FAM228B: variants seen among roughly 807,000 people sequenced by gnomAD.
FAM228B encodes protein FAM228B.
In FAM228B, 38 loss-of-function variants were observed where a neutral mutation model predicts 42.6. The ratio of observed to expected loss-of-function variants is 0.89; its 90% CI spans 0.69 to 1.17. The LOEUF (loss-of-function observed/expected upper bound fraction) is 1.17. FAM228B is among the 50% of genes most tolerant of loss of function. FAM228B has a pLI of 0.00. For missense variants in FAM228B, 344 were observed against 367.3 expected (o/e 0.94, Z 0.52); for synonymous variants, 109 against 122.3 (o/e 0.89, Z 0.72).
chr2:24,123,772 C>T (rs987609520), intron 1 of FAM228B, among the ~76,000 whole-genome samples: 1 of 151,832 alleles, frequency 6.6e-6, no homozygotes, highest in East Asian at 1.9e-4. Flanking sequence ...GCGTGGAGGC[C>T]GCAGGCGCCC....
intron 7 of FAM228B, among the ~76,000 whole-genome samples, chr2:24,153,124 A>G (rs1667059518): frequency 1.3e-5 from 2 of 152,184 alleles, no homozygotes; most frequent in Non-Finnish European, 2.9e-5. Flanking sequence ...AGGTCCAGAA[A>G]TGCGGTCCAA....
At chr2:24,142,809 C>T (rs1182222696) in intron 5 of FAM228B, 1 of 152,176 alleles carries the variant, frequency 6.6e-6, no homozygotes, top group East Asian at 1.9e-4. Context: ...AGAAGTGTGA[C>T]AGTAGCCCAA....
intron 5 of FAM228B, among the ~76,000 whole-genome samples, chr2:24,143,813 A>G (rs561854456): frequency 6.6e-6 from 1 of 152,296 alleles, no homozygotes; most frequent in Non-Finnish European, 1.5e-5. Context: ...TCTAAGCCAT[A>G]TACACAAAAG....
intron 3 of FAM228B, chr2:24,096,379 C>T (rs918443925): frequency 5.3e-5 from 8 of 152,040 alleles, no homozygotes; most frequent in African/African-American, 1.9e-4. Flanking sequence ...GAAGTAAAAC[C>T]CTTGAAAAAA....
intron 3 of FAM228B, among the ~76,000 whole-genome samples, chr2:24,098,827 A>G (rs949299254): frequency 6.6e-6 from 1 of 152,172 alleles, no homozygotes; most frequent in Non-Finnish European, 1.5e-5. Context: ...GAGACACAAC[A>G]AAAAAAGAGA....
rs747425240 is a variant in FAM228B at position 24,169,288 on chromosome 2, C to T, written c.*15-68C>T. ...ATCAGCTCAGCTTAGCTGGGGAACG[C>T]TTTCTGCTCTCGTAAGCCCCTCATC... On this transcript the variant is annotated intron_variant, in intron 10 of 10. Transcript: ENST00000615575. This position sits in a 1 kb window ranked among gnomAD's most constrained non-coding sequence, Gnocchi z 4.2. The T allele has an allele frequency of 1.2e-5, 5 of 431,394 alleles. No homozygotes were observed. The highest frequency in any genetic ancestry group is 2.5e-5 in the Non-Finnish European group (5 of 196,644). The allele number at this position is 431,394 out of a possible 1,614,324, so 26.7% of individuals were successfully genotyped here. A position where few individuals can be genotyped will look rare whatever the true frequency, so the allele number is the denominator to read the frequency against.
At chr2:24,101,062 A>G (rs1368405715) in intron 3 of FAM228B, among the ~76,000 whole-genome samples, 2 of 152,208 alleles carry the variant, frequency 1.3e-5, no homozygotes, top group African/African-American at 2.4e-5. Flanking sequence ...GAATTGTACA[A>G]TGAGATCACT....
At chr2:24,142,400 A>C (rs1383077506) in intron 5 of FAM228B, 1 of 152,160 alleles carries the variant, frequency 6.6e-6, no homozygotes, top group Non-Finnish European at 1.5e-5. Flanking sequence ...CTTCAGATGG[A>C]TCTTCAGCAT....
chr2:24,124,987 C>T (rs1039216681), intron 2 of FAM228B, among the ~76,000 whole-genome samples: 7 of 152,204 alleles, frequency 4.6e-5, no homozygotes, highest in African/African-American at 1.7e-4. Flanking sequence ...TAGCTGTGAG[C>T]CCTTGCGCCC....
intron 2 of FAM228B, among the ~76,000 whole-genome samples, chr2:24,129,347 T>C (rs1666397233): frequency 6.6e-6 from 1 of 151,628 alleles, no homozygotes; most frequent in African/African-American, 2.4e-5. Flanking sequence ...GGAGAGTAAG[T>C]CTGTTTCCTG....
At chr2:24,086,369 G>A (rs925410953) in intron 2 of FAM228B, among the ~76,000 whole-genome samples, 1 of 152,014 alleles carries the variant, frequency 6.6e-6, no homozygotes, top group Non-Finnish European at 1.5e-5. Flanking sequence ...TTCACTAAAG[G>A]ATGGATTCAT....
chr2:24,122,267 A>T (rs1024939450), upstream of FAM228B: 2 of 627,732 alleles, frequency 3.2e-6, no homozygotes, highest in Non-Finnish European at 5.6e-6. Context: ...CGGAGGTTGC[A>T]GTGAGCTGAG....
intron 2 of FAM228B, among the ~76,000 whole-genome samples, chr2:24,130,184 G>A (rs1413241256): frequency 6.6e-6 from 1 of 152,000 alleles, no homozygotes; most frequent in Non-Finnish European, 1.5e-5. Context: ...TGGTGTATAT[G>A]TACATTTTCT....
At chr2:24,146,693 A>T in intron 5 of FAM228B, 55 bp from the exon 6 acceptor site, 1 of 1,251,424 alleles carries the variant, frequency 8.0e-7, no homozygotes, top group South Asian at 1.4e-5. Context: ...ATAGACTGAA[A>T]ATGTTTACTA....
intron 1 of FAM228B, chr2:24,078,905 G>A (rs1026314229): frequency 2.6e-5 from 4 of 152,018 alleles, no homozygotes; most frequent in African/African-American, 9.7e-5. Flanking sequence ...ATGAGGTTTT[G>A]CTATGTTGCT....
At chr2:24,161,366 C>T (rs1417018032) in intron 7 of FAM228B, 140 bp from the exon 8 acceptor site, 1 of 582,536 alleles carries the variant, frequency 1.7e-6, no homozygotes, top group Non-Finnish European at 3.1e-6. Flanking sequence ...TGGGAGAGAT[C>T]CCTTGAACCC....
At chr2:24,082,867 G>GC (rs761021426) in intron 2 of FAM228B, 1 of 1,591,262 alleles carries the variant, frequency 6.3e-7, no homozygotes, top group South Asian at 1.1e-5. Flanking sequence ...TGTGGAGTGA[G>GC]CATGGAGGCC....
chr2:24,160,876 T>G (rs1275450667), intron 7 of FAM228B, among the ~76,000 whole-genome samples: 1 of 152,242 alleles, frequency 6.6e-6, no homozygotes, highest in African/African-American at 2.4e-5. Context: ...GAAAAGCATT[T>G]TATATAATGC....
Position 24,080,452 on chromosome 2 carries a change from G to T in FAM228B, c.-289-424G>T, listed in dbSNP as rs1232605540. Among the ~76,000 whole-genome samples the T allele has an allele frequency of 6.6e-6, 1 of 152,096 alleles. No individual in the cohort carries two copies. Among genetic ancestry groups the T allele is most frequent in the African/African-American group, 2.4e-5 (1 of 41,416 alleles). ...TGTGCACATCTACTTACTCATTTAG[G>T]GTGCTACCACCCAACCCTACCATGG... On this transcript the variant is annotated intron_variant, in intron 1 of 10. Transcript: ENST00000613899. This position sits in a 1 kb window ranked among gnomAD's most constrained non-coding sequence, Gnocchi z 4.7.
Sources: gnomAD v4.1 joint callset for allele counts (sites outside exome capture counted in the v4.1 genomes callset) on GRCh38, gnomAD v4.1.1 for gene constraint, Gnocchi (gnomAD v3.1) non-coding constraint, MANE v1.5 for transcripts, NCBI Gene and HGNC (gene_info 2026-07-23, HGNC 2026-07-21) for gene names.